EPS8: variants seen among roughly 807,000 people sequenced by gnomAD.
The protein encoded by EPS8 is epidermal growth factor receptor kinase substrate 8.
Under a neutral mutation model 103.8 loss-of-function variants are expected in EPS8, and 42 were observed. That is an observed-to-expected ratio of 0.40 (90% CI 0.32 to 0.52). The LOEUF (loss-of-function observed/expected upper bound fraction) is 0.52. Among genes scored for constraint, EPS8 ranks in the 20% least tolerant of loss-of-function variants. The pLI, the probability that EPS8 is intolerant of heterozygous loss-of-function variation, is 0.40. For synonymous variants in EPS8, 344 were observed against 344.6 expected (o/e 1.00, Z 0.02); for missense variants, 969 against 1,005.1 (o/e 0.96, Z 0.49).
rs1280041984 is a variant in EPS8 at position 15,761,834 on chromosome 12, A to G, written c.-22+27327T>C. Among the ~76,000 whole-genome samples the G allele has an allele frequency of 1.3e-5, 2 of 152,184 alleles. No individual in the cohort carries two copies. The highest frequency in any genetic ancestry group is 3.9e-4 in the East Asian group (2 of 5,184). ...TAAGACCTCAAACTATGAAACTACTACAAGAAAACATTGGGGAAACTCTCC... is the reference window on the plus strand; with the variant it reads ...TAAGACCTCAAACTATGAAACTACTGCAAGAAAACATTGGGGAAACTCTCC... On this transcript the variant is annotated intron_variant, in intron 1 of 20. Transcript: ENST00000281172. This position sits in a 1 kb window ranked among gnomAD's most constrained non-coding sequence, Gnocchi z 4.5.
intron 6 of EPS8, among the ~76,000 whole-genome samples, chr12:15,668,669 C>T (rs908834678): frequency 6.6e-6 from 1 of 152,140 alleles, no homozygotes; most frequent in African/African-American, 2.4e-5. Flanking sequence ...AGCAATGAAT[C>T]AAGTCACATA....
intron 15 of EPS8, among the ~76,000 whole-genome samples, chr12:15,644,523 T>C (rs1354638647): frequency 6.6e-6 from 1 of 151,888 alleles, no homozygotes; most frequent in African/African-American, 2.4e-5. Flanking sequence ...TGAAACCCCA[T>C]CTCTACTAAA....
intron 1 of EPS8, among the ~76,000 whole-genome samples, chr12:15,719,187 G>GTATATATAAACATACATATATA (rs1407709389): frequency 6.6e-6 from 1 of 151,388 alleles, no homozygotes; most frequent in African/African-American, 2.4e-5. Flanking sequence ...TCATATATAT[G>GTATATATAAACATACATATATA]TATATATAAA....
At position 15,702,129 on chromosome 12, in the gene EPS8, A is replaced by G. The variant is rs1946318687; in HGVS notation, c.-21-19157T>C. On this transcript the variant is annotated intron_variant, in intron 1 of 20. Transcript: ENST00000281172. The surrounding 1 kb of genome is among the most constrained non-coding windows in gnomAD (Gnocchi z 5.1). ...GCCGTGCAGATTATTAGGAGGCAGT[A>G]TAAGAAGAACAAATTTATTCCAAAA... 6.6e-6 allele frequency among the ~76,000 whole-genome samples: 1 copy of G among 152,240 alleles called. No homozygotes were observed. The highest frequency in any genetic ancestry group is 6.5e-5 in the Admixed American group (1 of 15,284).
At chr12:15,648,099 G>C (rs916909622) in intron 14 of EPS8, among the ~76,000 whole-genome samples, 1 of 152,196 alleles carries the variant, frequency 6.6e-6, no homozygotes. Flanking sequence ...ATGCTCGCAG[G>C]CCTGCTGCTC....
At chr12:15,705,374 A>C (rs988410075) in intron 1 of EPS8, among the ~76,000 whole-genome samples, 1 of 152,214 alleles carries the variant, frequency 6.6e-6, no homozygotes, top group African/African-American at 2.4e-5. Flanking sequence ...AAAAATTTTC[A>C]GTGTCTATTT....
Position 15,749,631 on chromosome 12 carries a change from T to C in EPS8, c.-22+39530A>G, listed in dbSNP as rs1223041837. On this transcript the variant is annotated intron_variant, in intron 1 of 20. Transcript: ENST00000281172. This position sits in a 1 kb window ranked among gnomAD's most constrained non-coding sequence, Gnocchi z 4.0. ...AAATACTTGATGATGACAATAACCA[T>C]TATGATAGTGGTAGTGGTAGGAAGA... is the stretch of plus-strand genomic sequence containing the variant. Among the ~76,000 whole-genome samples, 1 of 152,144 alleles carries C rather than the reference T, an allele frequency of 6.6e-6. No individual in the cohort carries two copies. Among genetic ancestry groups the C allele is most frequent in the Non-Finnish European group, 1.5e-5 (1 of 68,014 alleles).
Position 15,671,530 on chromosome 12 carries a change from G to A in EPS8, c.137-607C>T, listed in dbSNP as rs553783786. ...TAGAATTATAAATATAAGCTGATAGGAAAAACAAGAAAGTCAGGTAGAAAG... is the reference window on the plus strand; with the variant it reads ...TAGAATTATAAATATAAGCTGATAGAAAAAACAAGAAAGTCAGGTAGAAAG... On this transcript the variant is annotated intron_variant, in intron 3 of 20. Coordinates refer to ENST00000281172, the MANE Select transcript of EPS8 (RefSeq NM_004447.6). Among the ~76,000 whole-genome samples the A allele has an allele frequency of 4.6e-5, 7 of 152,012 alleles. No homozygotes were observed. The South Asian group carries it at 1.5e-3, about 32-fold the overall frequency.
rs1016308069 is a variant in EPS8 at position 15,647,273 on chromosome 12, G to A, written c.1435-13C>T. On this transcript the variant is annotated splice_polypyrimidine_tract_variant and intron_variant, in intron 14 of 20. Transcript: ENST00000281172. ...ATACACTGGAATGCTGAAAGACAAAGTGGGGCAGATTAAAGAATCACCAAA... is the reference window on the plus strand; with the variant it reads ...ATACACTGGAATGCTGAAAGACAAAATGGGGCAGATTAAAGAATCACCAAA... The A allele has an allele frequency of 1.9e-6, 3 of 1,607,428 alleles. No homozygotes were observed. Among genetic ancestry groups the A allele is most frequent in the Non-Finnish European group, 2.5e-6 (3 of 1,176,852 alleles).
chr12:15,666,547 A>C (rs768526223), intron 6 of EPS8, 25 bp from the exon 7 acceptor site: 15 of 1,566,970 alleles, frequency 9.6e-6, no homozygotes, highest in Non-Finnish European at 1.1e-5. Context: ...AAGTTACCTG[A>C]AAGTTTATGG....
In EPS8 at chr12:15,741,633, G is replaced by A. The variant is rs11056623; in HGVS notation, c.-22+47528C>T. 2.9e-3 allele frequency among the ~76,000 whole-genome samples: 442 copies of A among 152,248 alleles called. 5 individuals are homozygous for A. The East Asian group carries it at 0.031, about 11-fold the overall frequency. On this transcript the variant is annotated intron_variant, in intron 1 of 20. Coordinates refer to ENST00000281172, the MANE Select transcript of EPS8 (RefSeq NM_004447.6). ...GTTAGCACATATCATCTTTTAAAGC[G>A]TAAAGTCCACTGGGAAACTATTAGC...
intron 18 of EPS8, among the ~76,000 whole-genome samples, chr12:15,627,369 T>C (rs187215666): frequency 1.3e-5 from 2 of 152,220 alleles, no homozygotes; most frequent in East Asian, 3.9e-4. Context: ...AAAGGATGCT[T>C]CCCTTTTTTG....
Position 15,717,032 on chromosome 12 carries a change from A to G in EPS8, c.-21-34060T>C, listed in dbSNP as rs1284670527. ...AATACTCTAAACTACATATTATCAAATTTCAATTACATACATGCTAAGTTA... is the reference window on the plus strand; with the variant it reads ...AATACTCTAAACTACATATTATCAAGTTTCAATTACATACATGCTAAGTTA... On this transcript the variant is annotated intron_variant, in intron 1 of 20. Coordinates refer to ENST00000281172, the MANE Select transcript of EPS8 (RefSeq NM_004447.6). This position sits in a 1 kb window ranked among gnomAD's most constrained non-coding sequence, Gnocchi z 4.3. 1.3e-5 allele frequency among the ~76,000 whole-genome samples: 2 copies of G among 152,212 alleles called. No homozygotes were observed. Among genetic ancestry groups the G allele is most frequent in the Non-Finnish European group, 2.9e-5 (2 of 68,044 alleles).
chr12:15,710,639 C>T (rs909653404), intron 1 of EPS8, among the ~76,000 whole-genome samples: 6 of 152,070 alleles, frequency 3.9e-5, no homozygotes, highest in East Asian at 1.9e-4. Flanking sequence ...ATTTAACCGA[C>T]GTATAATTTC....
rs11056610 is a variant in EPS8, at chr12:15,734,422, C to G, written c.-21-51450G>C. Among the ~76,000 whole-genome samples, 1 of 152,036 alleles carries G rather than the reference C, an allele frequency of 6.6e-6. No individual in the cohort carries two copies. Among genetic ancestry groups the G allele is most frequent in the Non-Finnish European group, 1.5e-5 (1 of 68,016 alleles). ...TAAAAAGATTCTCTGTGGTTGGGCACGGTGGCTCACACCTGTAATCCCAGC... is the reference window on the plus strand; with the variant it reads ...TAAAAAGATTCTCTGTGGTTGGGCAGGGTGGCTCACACCTGTAATCCCAGC... On this transcript the variant is annotated intron_variant, in intron 1 of 20. Coordinates refer to ENST00000281172, the MANE Select transcript of EPS8 (RefSeq NM_004447.6). The surrounding 1 kb of genome is among the most constrained non-coding windows in gnomAD (Gnocchi z 4.1).
At chr12:15,621,453 A>C (rs1002470917) in intron 20 of EPS8, 23 bp from the exon 21 acceptor site, 1 of 1,378,642 alleles carries the variant, frequency 7.3e-7, no homozygotes, top group Non-Finnish European at 1.0e-6. Context: ...CAGTTCAGAC[A>C]AGATAGTTAC....
chr12:15,660,244 T>C (rs6488791), intron 10 of EPS8, among the ~76,000 whole-genome samples: 1 of 151,964 alleles, frequency 6.6e-6, no homozygotes, highest in Non-Finnish European at 1.5e-5. Context: ...TAAGTAGTTC[T>C]TGAGGGTCAA....
intron 17 of EPS8, among the ~76,000 whole-genome samples, chr12:15,632,844 A>G (rs896521603): frequency 6.6e-6 from 1 of 152,146 alleles, no homozygotes; most frequent in African/African-American, 2.4e-5. Context: ...CTTCACGGCA[A>G]ATGACTAACA....
In EPS8 at chr12:15,622,288, A is replaced by C. The variant is rs78004531; in HGVS notation, c.2356-858T>G. Among the ~76,000 whole-genome samples the C allele has an allele frequency of 1.5e-4, 23 of 152,334 alleles. No individual in the cohort carries two copies. The East Asian group carries it at 3.1e-3, about 20-fold the overall frequency. On this transcript the variant is annotated intron_variant, in intron 20 of 20. Coordinates refer to ENST00000281172, the MANE Select transcript of EPS8 (RefSeq NM_004447.6). ...TGGAAAGCAATCAAATCAAACTTTA[A>C]TATGGAGCCTTCAAGATCAATGTTG...
Sources: allele counts gnomAD v4.1 joint callset (sites outside exome capture counted in the v4.1 genomes callset), GRCh38; gene constraint gnomAD v4.1.1; non-coding constraint Gnocchi (gnomAD v3.1); transcripts MANE v1.5; gene names NCBI Gene and HGNC (gene_info 2026-07-23, HGNC 2026-07-21).